SGIP1: variants seen among roughly 807,000 people sequenced by gnomAD.
SGIP1 encodes the protein SH3-containing GRB2-like protein 3-interacting protein 1.
SGIP1 carries 38 observed loss-of-function variants against 107.5 expected under a neutral mutation model. The observed-to-expected ratio is 0.35, with a 90% CI of 0.27 to 0.46. SGIP1 has a LOEUF of 0.46. SGIP1 is among the 20% of genes least tolerant of loss of function. The pLI is 1.00. For synonymous variants in SGIP1, 365 were observed against 366.1 expected (o/e 1.00, Z 0.03); for missense variants, 929 against 1,019.5 (o/e 0.91, Z 1.21).
intron 19 of SGIP1, among the ~76,000 whole-genome samples, chr1:66,726,449 G>C (rs1334289198): frequency 6.6e-6 from 1 of 152,128 alleles, no homozygotes; most frequent in Non-Finnish European, 1.5e-5. Flanking sequence ...AAGGAACAAA[G>C]TTAGAGGACT....
intron 8 of SGIP1, 147 bp from the exon 9 acceptor site, chr1:66,667,383 C>T (rs1307235609): frequency 3.9e-6 from 3 of 772,112 alleles, no homozygotes; most frequent in African/African-American, 1.7e-5. Context: ...GCCCTAAACA[C>T]TAGGACTGCC....
chr1:66,546,394 A>T (rs1358040790), intron 1 of SGIP1, among the ~76,000 whole-genome samples: 1 of 152,236 alleles, frequency 6.6e-6, no homozygotes, highest in African/African-American at 2.4e-5. Flanking sequence ...GATACATAGA[A>T]GAAAATTAAA....
chr1:66,690,110 G>A, intron 16 of SGIP1, 80 bp from the exon 17 acceptor site: 1 of 1,536,566 alleles, frequency 6.5e-7, no homozygotes, highest in Non-Finnish European at 8.9e-7. Context: ...CATATCTGGG[G>A]CTGGGAGACA....
chr1:66,695,257 A>AAAAG, intron 17 of SGIP1, 177 bp from the exon 18 acceptor site: 1 of 885,450 alleles, frequency 1.1e-6, no homozygotes, highest in Non-Finnish European at 1.5e-6. Context: ...TCCTGAACTA[A>AAAAG]AAAAAAAAAA....
intron 1 of SGIP1, among the ~76,000 whole-genome samples, chr1:66,619,352 G>A (rs1266235072): frequency 2.6e-5 from 4 of 152,238 alleles, no homozygotes; most frequent in Non-Finnish European, 4.4e-5. Context: ...AGACTATGAG[G>A]TGAGTAAGGA....
At chr1:66,630,865 A>G (rs1037737086) in intron 2 of SGIP1, among the ~76,000 whole-genome samples, 428 of 43,928 alleles carry the variant, frequency 9.7e-3, no homozygotes, top group East Asian at 0.051. Context: ...GAAAGAAAGA[A>G]AGAAAGAAAG....
chr1:66,602,861 A>G (rs991580365), intron 1 of SGIP1, among the ~76,000 whole-genome samples: 5 of 152,178 alleles, frequency 3.3e-5, no homozygotes, highest in African/African-American at 7.2e-5. Flanking sequence ...GAAATTTCCT[A>G]GAACTTAGGA....
chr1:66,698,185 C>T (rs1194350544), intron 18 of SGIP1, among the ~76,000 whole-genome samples: 1 of 152,168 alleles, frequency 6.6e-6, no homozygotes. Flanking sequence ...TTGAGGATAA[C>T]ATGGGTGCTT....
chr1:66,737,620 A>G (rs909907465), intron 21 of SGIP1, among the ~76,000 whole-genome samples: 1 of 152,224 alleles, frequency 6.6e-6, no homozygotes, highest in Non-Finnish European at 1.5e-5. Context: ...GGTGCTTAAT[A>G]TCCCAGAACT....
At chr1:66,534,479 T>C (rs1445579) in intron 1 of SGIP1, 111 bp downstream of exon 1, 17 of 1,261,820 alleles carry the variant, frequency 1.3e-5, no homozygotes, top group Non-Finnish European at 2.0e-5. Flanking sequence ...TGGTTGCCAA[T>C]GTTTTGCAAG....
chr1:66,690,445 A>G, intron 17 of SGIP1, 129 bp downstream of exon 17: 1 of 1,325,210 alleles, frequency 7.5e-7, no homozygotes, highest in East Asian at 2.3e-5. Flanking sequence ...CTATTACCTG[A>G]CTCTTCTTTT....
chr1:66,608,718 G>A (rs2067328143), intron 1 of SGIP1, among the ~76,000 whole-genome samples: 1 of 152,142 alleles, frequency 6.6e-6, no homozygotes, highest in Admixed American at 6.6e-5. Context: ...TGTTTTTCTA[G>A]TCTGGAAAAG....
Position 66,745,409 on chromosome 1 carries a change from T to A in SGIP1, c.*2314T>A, listed in dbSNP as rs1377444728. 1 of 152,018 alleles carries A rather than the reference T, an allele frequency of 6.6e-6. No individual in the cohort carries two copies. The highest frequency in any genetic ancestry group is 1.5e-5 in the Non-Finnish European group (1 of 67,892). The allele number at this position is 152,018 out of a possible 1,614,324, so 9.4% of individuals were successfully genotyped here. A position where few individuals can be genotyped will look rare whatever the true frequency, so the allele number is the denominator to read the frequency against. ...ATCCCTTCACCTTTCAGAAAAGAGA[T>A]CAAATAATAACACAATAAGCTGGTA... On this transcript the variant is annotated 3_prime_UTR_variant, in exon 25 of 25. Transcript: ENST00000371037.
chr1:66,689,917 G>A (rs2089437463), intron 16 of SGIP1, among the ~76,000 whole-genome samples: 1 of 152,188 alleles, frequency 6.6e-6, no homozygotes. Context: ...GAGTCCCTGA[G>A]GGCATGTGAG....
chr1:66,659,047 A>C (rs1005537056), intron 7 of SGIP1, among the ~76,000 whole-genome samples: 1 of 152,220 alleles, frequency 6.6e-6, no homozygotes. Context: ...ACGGAGGACG[A>C]TGAGGATGGG....
chr1:66,633,333 G>C (rs2075172751), intron 3 of SGIP1, among the ~76,000 whole-genome samples: 1 of 152,094 alleles, frequency 6.6e-6, no homozygotes, highest in Non-Finnish European at 1.5e-5. Flanking sequence ...GAAAACAGAT[G>C]GTGGGTCACA....
At position 66,748,233 on chromosome 1, in the gene SGIP1, G is replaced by A. The variant is rs1045686771; in HGVS notation, c.*5138G>A. ...TAATGTTCCTTTTTGTCAGTGGAGT[G>A]TATGGAAGGAAAATGAGATAGGAGT... is the stretch of plus-strand genomic sequence containing the variant. On this transcript the variant is annotated 3_prime_UTR_variant, in exon 25 of 25. Transcript: ENST00000371037. 2 of 151,908 alleles carry A rather than the reference G, an allele frequency of 1.3e-5. No homozygotes were observed. Among genetic ancestry groups the A allele is most frequent in the South Asian group, 2.1e-4 (1 of 4,830 alleles). 9.4% of individuals were successfully genotyped at this position (151,908 alleles called of 1,614,324 possible). A position where few individuals can be genotyped will look rare whatever the true frequency, so the allele number is the denominator to read the frequency against.
chr1:66,694,710 A>G, intron 17 of SGIP1: 2 of 409,952 alleles, frequency 4.9e-6, no homozygotes, highest in African/African-American at 4.1e-5. Context: ...AGCAGGTTGC[A>G]TGACAGTTTC....
intron 12 of SGIP1, among the ~76,000 whole-genome samples, chr1:66,673,599 C>T (rs976637880): frequency 3.3e-5 from 5 of 152,246 alleles, no homozygotes; most frequent in African/African-American, 1.2e-4. Flanking sequence ...GAAGCTCATT[C>T]TTCAAAACAA....
Sources: gnomAD v4.1 joint callset for allele counts (sites outside exome capture counted in the v4.1 genomes callset) on GRCh38, gnomAD v4.1.1 for gene constraint, MANE v1.5 for transcripts, NCBI Gene and HGNC (gene_info 2026-07-23, HGNC 2026-07-21) for gene names.